Variants in MTBP observed in about 807,000 individuals in gnomAD.
The protein encoded by MTBP is mdm2-binding protein.
Under a neutral mutation model 117.0 loss-of-function variants are expected in MTBP, and 101 were observed. That is an observed-to-expected ratio of 0.86 (90% CI 0.73 to 1.02). MTBP has a LOEUF of 1.02. MTBP is among the 50% of genes least tolerant of loss of function. MTBP has a pLI of 0.00. For synonymous variants in MTBP, 350 were observed against 351.5 expected (o/e 1.00, Z 0.05); for missense variants, 970 against 1,030.9 (o/e 0.94, Z 0.81).
intron 17 of MTBP, among the ~76,000 whole-genome samples, chr8:120,512,713 C>CT (rs1029249024): frequency 1.3e-5 from 2 of 151,820 alleles, no homozygotes; most frequent in Non-Finnish European, 2.9e-5. Flanking sequence ...CTGTGACTCA[C>CT]TTTTTTTTAC....
chr8:120,522,752 A>C (rs761200601), intron 21 of MTBP, 33 bp downstream of exon 21: 1 of 1,510,970 alleles, frequency 6.6e-7, no homozygotes, highest in South Asian at 1.2e-5. Context: ...ACTATATTCA[A>C]TTAAATTGGT....
intron 20 of MTBP, 129 bp from the exon 21 acceptor site, chr8:120,522,525 T>C (rs1815022499): frequency 1.6e-6 from 1 of 610,166 alleles, no homozygotes; most frequent in Admixed American, 3.6e-5. Flanking sequence ...TTTGTTGTTG[T>C]AGTCTGTCCC....
chr8:120,453,061 GA>G (rs893629026), intron 4 of MTBP, among the ~76,000 whole-genome samples: 4 of 152,154 alleles, frequency 2.6e-5, no homozygotes, highest in African/African-American at 9.7e-5. Flanking sequence ...AGAATCTGAA[GA>G]GGGCGTCATA....
At chr8:120,467,625 A>C (rs1461616869) in intron 10 of MTBP, among the ~76,000 whole-genome samples, 2 of 152,168 alleles carry the variant, frequency 1.3e-5, no homozygotes, top group South Asian at 2.1e-4. Flanking sequence ...TTTGAAACTC[A>C]GATTTGAAAT....
At chr8:120,513,870 T>C (rs1814864781) in intron 17 of MTBP, among the ~76,000 whole-genome samples, 1 of 151,918 alleles carries the variant, frequency 6.6e-6, no homozygotes, top group Non-Finnish European at 1.5e-5. Flanking sequence ...CTTCTGGTTT[T>C]TAATGAAATA....
At chr8:120,455,096 A>G (rs530527222) in intron 5 of MTBP, among the ~76,000 whole-genome samples, 3 of 152,012 alleles carry the variant, frequency 2.0e-5, no homozygotes, top group East Asian at 3.9e-4. Context: ...GTTGAGTACA[A>G]TAGCATTGAT....
chr8:120,489,913 A>G (rs1172681731), intron 12 of MTBP, among the ~76,000 whole-genome samples: 1 of 152,146 alleles, frequency 6.6e-6, no homozygotes, highest in Non-Finnish European at 1.5e-5. Flanking sequence ...CAGAGGAAAA[A>G]AACCCAAGCT....
At chr8:120,497,266 G>T (rs922151118) in intron 13 of MTBP, 127 bp from the exon 14 acceptor site, 2 of 819,898 alleles carry the variant, frequency 2.4e-6, no homozygotes, top group African/African-American at 1.8e-5. Context: ...CTACAATCCT[G>T]AAAACAGGAA....
chr8:120,482,664 T>C (rs546460787), intron 11 of MTBP, among the ~76,000 whole-genome samples: 6 of 152,118 alleles, frequency 3.9e-5, no homozygotes, highest in Non-Finnish European at 7.4e-5. Flanking sequence ...TAGTGAGTTA[T>C]ACACCTATTC....
At chr8:120,467,720 T>C (rs1813728925) in intron 10 of MTBP, among the ~76,000 whole-genome samples, 1 of 151,236 alleles carries the variant, frequency 6.6e-6, no homozygotes. Context: ...TAATGATTAG[T>C]GTATGGGTGA....
chr8:120,507,889 T>G (rs910917799), intron 16 of MTBP, among the ~76,000 whole-genome samples: 1 of 152,132 alleles, frequency 6.6e-6, no homozygotes, highest in African/African-American at 2.4e-5. Context: ...TCTATTTAGT[T>G]ATTGGATTAC....
chr8:120,483,764 AT>A (rs1264546283), intron 11 of MTBP, among the ~76,000 whole-genome samples: 5 of 152,184 alleles, frequency 3.3e-5, no homozygotes, highest in African/African-American at 1.2e-4. Context: ...AAATATACGT[AT>A]GCTTTTGGTG....
intron 11 of MTBP, among the ~76,000 whole-genome samples, chr8:120,479,220 A>G (rs1417977786): frequency 6.6e-6 from 1 of 152,198 alleles, no homozygotes; most frequent in South Asian, 2.1e-4. Flanking sequence ...CCTCAACATC[A>G]CACAATATAC....
At chr8:120,484,335 A>G (rs1164229145) in intron 11 of MTBP, among the ~76,000 whole-genome samples, 1 of 152,176 alleles carries the variant, frequency 6.6e-6, no homozygotes, top group African/African-American at 2.4e-5. Context: ...AGCAGAATTA[A>G]TGTCACTCTA....
At chr8:120,450,942 G>C (rs1813325244) in intron 2 of MTBP, 61 bp from the exon 3 acceptor site, 1 of 1,157,794 alleles carries the variant, frequency 8.6e-7, no homozygotes, top group South Asian at 1.3e-5. Context: ...CGGTATATAT[G>C]CTGTGTCATC....
At chr8:120,490,025 T>C in intron 12 of MTBP, among the ~76,000 whole-genome samples, 1 of 152,192 alleles carries the variant, frequency 6.6e-6, no homozygotes, top group East Asian at 1.9e-4. Context: ...GAGACACGGC[T>C]AAGGCTATCA....
chr8:120,508,838 C>T (rs973760621), intron 16 of MTBP, among the ~76,000 whole-genome samples: 1 of 152,110 alleles, frequency 6.6e-6, no homozygotes, highest in Admixed American at 6.6e-5. Context: ...GCTTCAGGAC[C>T]ATGATCCATT....
At chr8:120,483,909 C>T (rs7006363) in intron 11 of MTBP, among the ~76,000 whole-genome samples, 51,526 of 151,708 alleles carry the variant, frequency 0.34, 11,069 homozygotes, top group African/African-American at 0.62. Flanking sequence ...GGAATAACTA[C>T]GCTAATTGTA....
chr8:120,454,050 C>T lies in MTBP; in HGVS notation c.484+145C>T, dbSNP rs1813417714. On this transcript the variant is annotated intron_variant, in intron 5 of 21. Transcript: ENST00000305949. ...AAACAATTTTTAATTGAAGTTGATA[C>T]AGAATGTATCCATGGGAGTACATTA... 8.5e-6 allele frequency: 4 copies of T among 469,536 alleles called. No individual in the cohort carries two copies. In the Admixed American group the frequency reaches 1.2e-4, roughly 14 times the overall value. The allele number at this position is 469,536 out of a possible 1,614,324, so 29.1% of individuals were successfully genotyped here.
Sources: gnomAD v4.1 joint callset for allele counts (sites outside exome capture counted in the v4.1 genomes callset) on GRCh38, gnomAD v4.1.1 for gene constraint, MANE v1.5 for transcripts, NCBI Gene and HGNC (gene_info 2026-07-23, HGNC 2026-07-21) for gene names.